The following MCU variants were observed in gnomAD, a reference collection of about 807,000 sequenced individuals.
The protein encoded by MCU is calcium uniporter protein, mitochondrial.
In MCU, 12 loss-of-function variants were observed where a neutral mutation model predicts 45.2. The ratio of observed to expected loss-of-function variants is 0.27; its 90% confidence interval spans 0.17 to 0.43. MCU has a LOEUF of 0.43. Ranked by LOEUF, MCU falls within the 20% of genes least tolerant of loss-of-function variation. The pLI, the probability that MCU is intolerant of heterozygous loss-of-function variation, is 1.00. For synonymous variants in MCU, 160 were observed against 165.1 expected, an observed-to-expected ratio of 0.97 and a Z score of 0.24; for missense variants, 324 against 436.7, an observed-to-expected ratio of 0.74 and a Z score of 2.30.
chr10:72,718,222 C>T (rs1204193535), intron 1 of MCU, among the ~76,000 whole-genome samples: 1 of 152,106 alleles, frequency 6.6e-6, no homozygotes, highest in Non-Finnish European at 1.5e-5. Context: ...GTACAACAGG[C>T]AAAGTTTGGA....
chr10:72,741,040 A>G (rs1353615659), intron 1 of MCU, among the ~76,000 whole-genome samples: 1 of 151,958 alleles, frequency 6.6e-6, no homozygotes, highest in African/African-American at 2.4e-5. Context: ...TTTTTTTCTC[A>G]GATACAATAG....
At chr10:72,810,442 G>A (rs1156653625) in intron 1 of MCU, among the ~76,000 whole-genome samples, 1 of 143,282 alleles carries the variant, frequency 7.0e-6, no homozygotes, top group Non-Finnish European at 1.5e-5. Flanking sequence ...AGTGACATCA[G>A]TTAAGACAAT....
intron 1 of MCU, among the ~76,000 whole-genome samples, chr10:72,776,642 CT>C (rs1036743360): frequency 2.0e-5 from 3 of 152,170 alleles, no homozygotes; most frequent in African/African-American, 7.2e-5. Context: ...ACAGCCTTTT[CT>C]CTTAGGAGTG....
intron 1 of MCU, among the ~76,000 whole-genome samples, chr10:72,772,231 A>G (rs1452616032): frequency 6.6e-6 from 1 of 152,208 alleles, no homozygotes; most frequent in Non-Finnish European, 1.5e-5. Context: ...TGTAGGAGGT[A>G]TGTTCCATAA....
At chr10:72,755,143 G>C (rs1843556719) in intron 1 of MCU, among the ~76,000 whole-genome samples, 1 of 132,932 alleles carries the variant, frequency 7.5e-6, no homozygotes, top group African/African-American at 2.7e-5. Context: ...ATGTGAACCT[G>C]AGATTTTTTT....
At chr10:72,814,827 T>C (rs1844600939) in intron 1 of MCU, among the ~76,000 whole-genome samples, 1 of 152,212 alleles carries the variant, frequency 6.6e-6, no homozygotes, top group Non-Finnish European at 1.5e-5. Context: ...ATTATAGATA[T>C]GATCTGTTAC....
chr10:72,872,037 G>A (rs765205244), intron 6 of MCU, among the ~76,000 whole-genome samples: 7 of 152,104 alleles, frequency 4.6e-5, no homozygotes, highest in Non-Finnish European at 8.8e-5. Context: ...ATCCTCCTAA[G>A]TATGTTGAAA....
At chr10:72,816,741 C>T (rs1844633308) in intron 1 of MCU, among the ~76,000 whole-genome samples, 1 of 152,188 alleles carries the variant, frequency 6.6e-6, no homozygotes. Context: ...CTGAGTGACA[C>T]AGGAGACGTT....
chr10:72,698,836 C>G (rs1224352208), intron 1 of MCU, among the ~76,000 whole-genome samples: 1 of 152,040 alleles, frequency 6.6e-6, no homozygotes, highest in Non-Finnish European at 1.5e-5. Flanking sequence ...CGAGGTCTTA[C>G]TCTGTTGCCC....
chr10:72,832,179 C>G (rs957244387), intron 1 of MCU, among the ~76,000 whole-genome samples: 4 of 152,198 alleles, frequency 2.6e-5, no homozygotes, highest in Admixed American at 2.6e-4. Flanking sequence ...AAGCAGTCCT[C>G]TCACTCAGCC....
chr10:72,832,582 T>C (rs1423473716), intron 1 of MCU, among the ~76,000 whole-genome samples: 2 of 152,158 alleles, frequency 1.3e-5, no homozygotes, highest in Non-Finnish European at 2.9e-5. Flanking sequence ...GAGACTTAAA[T>C]GGAAAGACTT....
At chr10:72,806,805 A>G (rs1250468323) in intron 1 of MCU, among the ~76,000 whole-genome samples, 1 of 152,244 alleles carries the variant, frequency 6.6e-6, no homozygotes, top group Non-Finnish European at 1.5e-5. Context: ...ATGAGAAGGA[A>G]CCAATCATGC....
At chr10:72,789,172 C>G (rs1206711577) in intron 1 of MCU, among the ~76,000 whole-genome samples, 1 of 151,994 alleles carries the variant, frequency 6.6e-6, no homozygotes. Context: ...GGTGACTGTA[C>G]CAGTTCTGAA....
chr10:72,850,428 T>C (rs1845191004), intron 2 of MCU, among the ~76,000 whole-genome samples: 1 of 152,196 alleles, frequency 6.6e-6, no homozygotes, highest in African/African-American at 2.4e-5. Flanking sequence ...GTGTACCAAG[T>C]CCCTTTCATA....
intron 1 of MCU, among the ~76,000 whole-genome samples, chr10:72,819,838 T>A (rs2096293699): frequency 6.7e-6 from 1 of 148,384 alleles, no homozygotes; most frequent in African/African-American, 2.5e-5. Flanking sequence ...AATAATACAA[T>A]TTTTATACTC....
intron 2 of MCU, among the ~76,000 whole-genome samples, chr10:72,844,718 G>A (rs936271127): frequency 2.0e-5 from 3 of 152,012 alleles, no homozygotes; most frequent in African/African-American, 7.2e-5. Context: ...TAACAAAAAA[G>A]CATATAGACT....
At chr10:72,722,134 T>G (rs550909472) in intron 1 of MCU, among the ~76,000 whole-genome samples, 1 of 152,200 alleles carries the variant, frequency 6.6e-6, no homozygotes, top group South Asian at 2.1e-4. Flanking sequence ...GGTATAAATA[T>G]TAACGTGTAG....
rs115971770 is a variant in MCU at position 72,848,019 on chromosome 10, C to T, written c.221-11158C>T. 5.1e-3 allele frequency among the ~76,000 whole-genome samples: 774 copies of T among 152,282 alleles called. 5 individuals are homozygous for T. Among genetic ancestry groups the T allele is most frequent in the African/African-American group, 0.018 (740 of 41,550 alleles). On this transcript the variant is annotated intron_variant, in intron 2 of 7. Transcript: ENST00000373053. ...ATTATGACATAGTCTTGGAAGTACA[C>T]ATCATCACTTCAGCTGTATCATATT...
At chr10:72,781,510 A>G (rs1483987417) in intron 1 of MCU, among the ~76,000 whole-genome samples, 5 of 152,252 alleles carry the variant, frequency 3.3e-5, no homozygotes, top group African/African-American at 1.2e-4. Context: ...CAGTATTTGA[A>G]GTATCATTCA....
Sources: gnomAD v4.1 joint callset for allele counts (sites outside exome capture counted in the v4.1 genomes callset) on GRCh38, gnomAD v4.1.1 for gene constraint, MANE v1.5 for transcripts, NCBI Gene and HGNC (gene_info 2026-07-23, HGNC 2026-07-21) for gene names.